SASH1: variants seen among roughly 807,000 people sequenced by gnomAD.
SASH1 encodes the protein SAM and SH3 domain containing 1, also known as SAM and SH3 domain-containing protein 1.
A neutral mutation model predicts 125.2 loss-of-function variants in SASH1; 44 were observed. The observed-to-expected ratio is 0.35, with a 90% CI of 0.28 to 0.45. The LOEUF is 0.45. Ranked by LOEUF, SASH1 falls within the 20% of genes least tolerant of loss-of-function variation. The pLI is 1.00. For synonymous variants in SASH1, 639 were observed against 649.1 expected (o/e 0.98, Z 0.24); for missense variants, 1,426 against 1,614.5 (o/e 0.88, Z 2.00).
intron 5 of SASH1, among the ~76,000 whole-genome samples, chr6:148,469,304 T>C (rs373562666): frequency 6.6e-6 from 1 of 152,190 alleles, no homozygotes; most frequent in African/African-American, 2.4e-5. Flanking sequence ...TTAAATGAAA[T>C]CTTGCCATTA....
At chr6:148,210,967 G>A in the SASH1 span, among the ~76,000 whole-genome samples, 1 of 152,214 alleles carries the variant, frequency 6.6e-6, no homozygotes, top group African/African-American at 2.4e-5. Flanking sequence ...AAACATTGTT[G>A]AGTGGAAGAG....
chr6:148,531,363 T>C (rs1194470905), intron 12 of SASH1, among the ~76,000 whole-genome samples, 163 bp from the exon 13 acceptor site: 1 of 152,186 alleles, frequency 6.6e-6, no homozygotes, highest in Non-Finnish European at 1.5e-5. Context: ...ACTTTAAAAG[T>C]AAGCGAGGAT....
chr6:148,361,077 A>G (rs920128573), intron 1 of SASH1, among the ~76,000 whole-genome samples: 3 of 152,190 alleles, frequency 2.0e-5, no homozygotes, highest in Admixed American at 6.5e-5. Flanking sequence ...GGAGAATTGC[A>G]GTGATGCACC....
At chr6:148,458,943 G>A (rs1777481199) in intron 4 of SASH1, among the ~76,000 whole-genome samples, 1 of 146,784 alleles carries the variant, frequency 6.8e-6, no homozygotes, top group Non-Finnish European at 1.5e-5. Flanking sequence ...TTCTAGCCTG[G>A]GTGATAGAGC....
At chr6:148,325,973 AC>A (rs113676443) in intron 1 of SASH1, among the ~76,000 whole-genome samples, 3 of 151,272 alleles carry the variant, frequency 2.0e-5, no homozygotes, top group South Asian at 2.1e-4. Flanking sequence ...AAATGAACCT[AC>A]ATGAGGCAGG....
At chr6:148,206,810 C>A in the SASH1 span, among the ~76,000 whole-genome samples, 1 of 151,402 alleles carries the variant, frequency 6.6e-6, no homozygotes, top group East Asian at 1.9e-4. Context: ...CACACACACA[C>A]ACACACACAC....
chr6:148,418,952 C>T (rs550272928), intron 2 of SASH1, among the ~76,000 whole-genome samples: 13 of 152,314 alleles, frequency 8.5e-5, no homozygotes, highest in African/African-American at 3.1e-4. Flanking sequence ...ATTGAATCTT[C>T]CTTGAAACTT....
At chr6:148,548,177 G>A (rs1246039803) in intron 19 of SASH1, 118 bp from the exon 20 acceptor site, 5 of 907,824 alleles carry the variant, frequency 5.5e-6, no homozygotes, top group Admixed American at 3.1e-5. Context: ...TTGCATTGTC[G>A]CTTTCTGATA....
intron 7 of SASH1, chr6:148,479,280 C>T (rs1389785846): frequency 2.6e-5 from 4 of 153,280 alleles, no homozygotes; most frequent in Non-Finnish European, 5.8e-5. Flanking sequence ...AACTCCTGAC[C>T]TCATGTGATC....
intron 2 of SASH1, among the ~76,000 whole-genome samples, chr6:148,415,376 T>G (rs980705439): frequency 6.6e-6 from 1 of 152,184 alleles, no homozygotes; most frequent in Non-Finnish European, 1.5e-5. Context: ...GACATTTGCT[T>G]GACACAACCT....
the SASH1 span, among the ~76,000 whole-genome samples, chr6:148,223,319 G>T: frequency 3.3e-5 from 5 of 152,192 alleles, no homozygotes; most frequent in Admixed American, 1.3e-4. Context: ...TATTTATAAA[G>T]TTCTTAGAAC....
At chr6:148,372,535 TGCTAG>T (rs1330751007) in intron 1 of SASH1, among the ~76,000 whole-genome samples, 1 of 152,206 alleles carries the variant, frequency 6.6e-6, no homozygotes, top group Non-Finnish European at 1.5e-5. Flanking sequence ...AGTTAAAACT[TGCTAG>T]TTACTTTTAA....
intron 1 of SASH1, among the ~76,000 whole-genome samples, chr6:148,296,092 G>A (rs1779754708): frequency 1.3e-5 from 2 of 150,974 alleles, no homozygotes; most frequent in African/African-American, 2.5e-5. Context: ...ATTTCTATGG[G>A]ATATTTGTGG....
chr6:148,494,716 A>G (rs1779246504), intron 8 of SASH1, among the ~76,000 whole-genome samples: 1 of 152,102 alleles, frequency 6.6e-6, no homozygotes, highest in Admixed American at 6.5e-5. Context: ...CCATGTGTGC[A>G]CTCTTCATAG....
intron 17 of SASH1, among the ~76,000 whole-genome samples, chr6:148,542,511 C>G (rs950069113): frequency 6.6e-6 from 1 of 152,158 alleles, no homozygotes; most frequent in Non-Finnish European, 1.5e-5. Context: ...CTCAGCCTCC[C>G]GAGTAGCTGG....
At chr6:148,242,504 T>C in the SASH1 span, among the ~76,000 whole-genome samples, 1 of 152,322 alleles carries the variant, frequency 6.6e-6, no homozygotes, top group Non-Finnish European at 1.5e-5. Context: ...TGTTCAATCT[T>C]TCTCAAGGCC....
chr6:148,531,434 A>G, intron 12 of SASH1, 92 bp from the exon 13 acceptor site: 1 of 1,154,380 alleles, frequency 8.7e-7, no homozygotes, highest in South Asian at 2.4e-5. Flanking sequence ...GATTGATTTG[A>G]TTGATTTCGT....
intron 2 of SASH1, among the ~76,000 whole-genome samples, chr6:148,437,548 A>G (rs1355858558): frequency 3.3e-5 from 5 of 152,152 alleles, no homozygotes; most frequent in South Asian, 2.1e-4. Flanking sequence ...GCCCCAATCA[A>G]TTTTCTGAAA....
chr6:148,270,968 G>A (rs762453902), upstream of SASH1, among the ~76,000 whole-genome samples: 16 of 149,762 alleles, frequency 1.1e-4, no homozygotes, highest in East Asian at 5.9e-4. Context: ...GGAGTGCAGC[G>A]GCACGATCTT....
Sources: allele counts gnomAD v4.1 joint callset (sites outside exome capture counted in the v4.1 genomes callset), GRCh38; gene constraint gnomAD v4.1.1; transcripts MANE v1.5; gene names NCBI Gene and HGNC (gene_info 2026-07-23, HGNC 2026-07-21).